SOX6: variants seen among roughly 807,000 people sequenced by gnomAD.
SOX6 encodes the protein SRY-box transcription factor 6.
In SOX6, 11 loss-of-function variants were observed where a neutral mutation model predicts 97.8. The ratio of observed to expected loss-of-function variants is 0.11; its 90% CI spans 0.07 to 0.19. The LOEUF (loss-of-function observed/expected upper bound fraction) is 0.19. SOX6 is among the 10% of genes least tolerant of loss of function. The pLI is 1.00. For synonymous variants in SOX6, 360 were observed against 371.4 expected (o/e 0.97, Z 0.35); for missense variants, 810 against 1,039.5 (o/e 0.78, Z 3.04).
chr11:16,282,039 C>T (rs1360816638), intron 3 of SOX6, among the ~76,000 whole-genome samples: 1 of 148,070 alleles, frequency 6.8e-6, no homozygotes, highest in Non-Finnish European at 1.5e-5. Context: ...AAGGACAATA[C>T]AGATTTAGGA....
intron 4 of SOX6, among the ~76,000 whole-genome samples, chr11:16,232,292 T>A (rs1208172717): frequency 1.3e-5 from 2 of 151,958 alleles, no homozygotes; most frequent in African/African-American, 4.8e-5. Flanking sequence ...TTTTTCATTT[T>A]TAAATTAATA....
At chr11:16,373,464 A>G (rs923782544) in intron 1 of SOX6, among the ~76,000 whole-genome samples, 2 of 152,018 alleles carry the variant, frequency 1.3e-5, no homozygotes, top group African/African-American at 4.8e-5. Context: ...CTCTTTCACT[A>G]CTAAATAAAC....
intron 12 of SOX6, among the ~76,000 whole-genome samples, chr11:16,033,669 G>C (rs756410570): frequency 6.6e-6 from 1 of 152,108 alleles, no homozygotes; most frequent in Non-Finnish European, 1.5e-5. Flanking sequence ...TCAGGAGTTC[G>C]AGATGAGCCT....
intron 3 of SOX6, among the ~76,000 whole-genome samples, chr11:16,651,181 T>C (rs375110850): frequency 2.6e-5 from 4 of 152,258 alleles, no homozygotes; most frequent in South Asian, 2.1e-4. Context: ...AGATAAATTC[T>C]ATCAGACTTT....
chr11:16,004,542 G>C (rs759875220), intron 13 of SOX6, among the ~76,000 whole-genome samples: 1 of 151,782 alleles, frequency 6.6e-6, no homozygotes, highest in African/African-American at 2.4e-5. Context: ...ACTGAAAGGA[G>C]ATCACTCAAG....
intron 3 of SOX6, among the ~76,000 whole-genome samples, chr11:16,694,872 G>A (rs947275572): frequency 2.0e-5 from 3 of 152,190 alleles, no homozygotes; most frequent in Admixed American, 2.0e-4. Context: ...AACAAGTACA[G>A]ACTTTTTCCT....
At chr11:16,237,960 T>A (rs1019314869) in intron 3 of SOX6, among the ~76,000 whole-genome samples, 1 of 151,908 alleles carries the variant, frequency 6.6e-6, no homozygotes, top group Admixed American at 6.6e-5. Flanking sequence ...GTCACCATAA[T>A]ATGTACATAT....
chr11:16,363,855 A>G (rs1337718205), intron 1 of SOX6, among the ~76,000 whole-genome samples: 1 of 152,096 alleles, frequency 6.6e-6, no homozygotes, highest in African/African-American at 2.4e-5. Flanking sequence ...CACTTTTCAG[A>G]TGAGGGAACT....
intron 4 of SOX6, among the ~76,000 whole-genome samples, chr11:16,563,036 ACT>A (rs1276344146): frequency 6.6e-6 from 1 of 152,366 alleles, no homozygotes; most frequent in Admixed American, 6.5e-5. Flanking sequence ...AGCAAAAATC[ACT>A]GTCATACCAC....
intron 4 of SOX6, among the ~76,000 whole-genome samples, chr11:16,487,361 G>C (rs1372356625): frequency 6.6e-6 from 1 of 152,132 alleles, no homozygotes; most frequent in African/African-American, 2.4e-5. Context: ...TGAATGGCAT[G>C]AATAGGAATT....
At chr11:16,514,824 A>G (rs1048318235) in intron 4 of SOX6, among the ~76,000 whole-genome samples, 1 of 151,120 alleles carries the variant, frequency 6.6e-6, no homozygotes, top group Non-Finnish European at 1.5e-5. Context: ...GCGATAGTTT[A>G]CTGAGAATGA....
chr11:16,597,686 A>G (rs868505919), intron 4 of SOX6, among the ~76,000 whole-genome samples: 3 of 152,060 alleles, frequency 2.0e-5, no homozygotes, highest in African/African-American at 7.2e-5. Flanking sequence ...ATTGATATAT[A>G]TAACCAAAGA....
At chr11:16,160,437 G>A (rs1212526867) in intron 6 of SOX6, among the ~76,000 whole-genome samples, 1 of 152,188 alleles carries the variant, frequency 6.6e-6, no homozygotes, top group Non-Finnish European at 1.5e-5. Context: ...TGGGAAGCAA[G>A]TGCATCCTTA....
chr11:16,089,771 A>C (rs1405881483), intron 9 of SOX6, among the ~76,000 whole-genome samples: 1 of 152,076 alleles, frequency 6.6e-6, no homozygotes, highest in Non-Finnish European at 1.5e-5. Flanking sequence ...TATCGTAAAA[A>C]ATGTCTTTCT....
At chr11:16,594,692 T>TTTC (rs1318223678) in intron 4 of SOX6, among the ~76,000 whole-genome samples, 2 of 125,620 alleles carry the variant, frequency 1.6e-5, no homozygotes, top group East Asian at 4.7e-4. Context: ...TGCTTTTTTT[T>TTTC]TTTTTTTTTT....
At chr11:16,724,630 C>T (rs183465940) in intron 2 of SOX6, among the ~76,000 whole-genome samples, 30 of 152,266 alleles carry the variant, frequency 2.0e-4, no homozygotes, top group Admixed American at 3.9e-4. Flanking sequence ...TAGGCTTAAA[C>T]AAAACATCTT....
At chr11:16,501,423 C>T (rs1489200482) in intron 4 of SOX6, among the ~76,000 whole-genome samples, 1 of 152,144 alleles carries the variant, frequency 6.6e-6, no homozygotes, top group Non-Finnish European at 1.5e-5. Flanking sequence ...GTCTAAAACA[C>T]CAAATGCAAT....
At chr11:16,421,957 C>G (rs1252604434) in intron 1 of SOX6, among the ~76,000 whole-genome samples, 1 of 152,158 alleles carries the variant, frequency 6.6e-6, no homozygotes, top group East Asian at 1.9e-4. Context: ...TTTGCACATG[C>G]CTCTAACACA....
At chr11:16,058,712 C>A (rs930666864) in intron 9 of SOX6, among the ~76,000 whole-genome samples, 2 of 152,008 alleles carry the variant, frequency 1.3e-5, no homozygotes, top group Non-Finnish European at 2.9e-5. Flanking sequence ...ATCTCATAGT[C>A]TGGTCTATCC....
Sources: allele counts gnomAD v4.1 joint callset (sites outside exome capture counted in the v4.1 genomes callset), GRCh38; gene constraint gnomAD v4.1.1; transcripts MANE v1.5; gene names NCBI Gene and HGNC (gene_info 2026-07-23, HGNC 2026-07-21).